The following KLF12 variants were observed in gnomAD, a reference collection of about 807,000 sequenced individuals.
The protein encoded by KLF12 is KLF transcription factor 12.
KLF12 carries 9 observed loss-of-function variants against 37.8 expected under a neutral mutation model. That is an observed-to-expected ratio of 0.24 (90% confidence interval 0.14 to 0.42). The LOEUF (loss-of-function observed/expected upper bound fraction) is 0.42. KLF12 is among the 10% of genes least tolerant of loss of function. The pLI is 1.00. For missense variants in KLF12, 411 were observed against 516.0 expected (o/e 0.80, Z 1.97); for synonymous variants, 208 against 202.1 (o/e 1.03, Z -0.25).
At chr13:73,831,269 C>T (rs1352226215) in intron 4 of KLF12, among the ~76,000 whole-genome samples, 1 of 152,132 alleles carries the variant, frequency 6.6e-6, no homozygotes, top group African/African-American at 2.4e-5. Context: ...CACTCTTAAG[C>T]TGTGCCCTTA....
rs566421592 is a variant in KLF12 at position 74,109,476 on chromosome 13, T to G, written c.-32+24263A>C. Among the ~76,000 whole-genome samples the G allele has an allele frequency of 2.0e-5, 3 of 152,176 alleles. No homozygotes were observed. In the South Asian group the frequency reaches 6.2e-4, roughly 32 times the overall value. ...TAGATAATATATTTTGTAATAATTT[T>G]TAAAAGAACAGATTATTTGAATGCT... On this transcript the variant is annotated intron_variant, in intron 1 of 7. Coordinates refer to ENST00000377669, the MANE Select transcript of KLF12 (RefSeq NM_007249.5).
chr13:73,697,753 T>A (rs1031334616), intron 7 of KLF12, among the ~76,000 whole-genome samples: 3 of 151,162 alleles, frequency 2.0e-5, no homozygotes, highest in African/African-American at 7.3e-5. Context: ...CTAGAGAGAG[T>A]GTAAGGCCTA....
At chr13:74,226,148 C>T in the KLF12 span, among the ~76,000 whole-genome samples, 2 of 151,744 alleles carry the variant, frequency 1.3e-5, no homozygotes, top group Non-Finnish European at 2.9e-5. Context: ...AGGATGGCCT[C>T]GAGGAGACAA....
the KLF12 span, among the ~76,000 whole-genome samples, chr13:74,287,252 CG>C: frequency 6.6e-6 from 1 of 151,802 alleles, no homozygotes; most frequent in African/African-American, 2.4e-5. Flanking sequence ...TGACCTCTGT[CG>C]GCAGAATCGT....
At chr13:74,268,800 G>A in the KLF12 span, among the ~76,000 whole-genome samples, 10 of 152,182 alleles carry the variant, frequency 6.6e-5, no homozygotes, top group Non-Finnish European at 1.2e-4. Context: ...AGAGATGAAT[G>A]CATCCACCAG....
intron 3 of KLF12, among the ~76,000 whole-genome samples, chr13:73,940,777 G>A (rs1890153058): frequency 6.6e-6 from 1 of 152,138 alleles, no homozygotes; most frequent in South Asian, 2.1e-4. Context: ...CATACACACA[G>A]CATAAATCTC....
chr13:74,287,395 A>AGAGAGAGAG, the KLF12 span, among the ~76,000 whole-genome samples: 454 of 147,060 alleles, frequency 3.1e-3, no homozygotes, highest in South Asian at 6.3e-3. Flanking sequence ...AGAGAGAGAG[A>AGAGAGAGAG]ATCCACCTCT....
the KLF12 span, among the ~76,000 whole-genome samples, chr13:74,164,989 G>A: frequency 0.034 from 5,195 of 152,208 alleles, 201 homozygotes; most frequent in African/African-American, 0.091. Context: ...GTATTTGATA[G>A]CACAACAGGG....
intron 1 of KLF12, among the ~76,000 whole-genome samples, chr13:74,121,786 C>T (rs1188367273): frequency 6.6e-6 from 1 of 151,686 alleles, no homozygotes; most frequent in African/African-American, 2.4e-5. Flanking sequence ...TATTAGAATA[C>T]CTAAGAAAAT....
intron 1 of KLF12, among the ~76,000 whole-genome samples, chr13:74,037,603 A>C (rs1397383697): frequency 6.6e-6 from 1 of 152,182 alleles, no homozygotes; most frequent in Non-Finnish European, 1.5e-5. Flanking sequence ...AATTTTTAGC[A>C]TTCTACTTAA....
chr13:74,137,863 C>T (rs1337834572), upstream of KLF12, among the ~76,000 whole-genome samples: 2 of 152,172 alleles, frequency 1.3e-5, no homozygotes, highest in East Asian at 3.8e-4. Context: ...CGCGTTCAAG[C>T]GATTCTCCTG....
Position 73,845,932 on chromosome 13 carries a change from C to T in KLF12, c.565G>A (p.Val189Met). 1 of 1,614,142 alleles carries T rather than the reference C, an allele frequency of 6.2e-7. No homozygotes were observed. Among genetic ancestry groups the T allele is most frequent in the Admixed American group, 1.7e-5 (1 of 60,012 alleles). The change falls in exon 4 of 8, where the codon GTG (valine) becomes ATG (methionine). Residue 189 changes from valine to methionine, a missense_variant. By Grantham distance (21) the Val-to-Met change is conservative. Coordinates refer to ENST00000377669, the MANE Select transcript of KLF12 (RefSeq NM_007249.5). The stretch of plus-strand genomic sequence containing the variant: ...TAGACAACAGGCACCGACTGTACCA[C>T]CACGGGGATGCGGTGAACATGACTC...
chr13:74,213,687 T>G, the KLF12 span, among the ~76,000 whole-genome samples: 1 of 150,684 alleles, frequency 6.6e-6, no homozygotes, highest in East Asian at 2.0e-4. Context: ...ATTTGAAATA[T>G]TATTTTTCAC....
chr13:74,127,498 A>C (rs1878007095), intron 1 of KLF12, among the ~76,000 whole-genome samples: 1 of 152,240 alleles, frequency 6.6e-6, no homozygotes, highest in Non-Finnish European at 1.5e-5. Flanking sequence ...AGAGTCCCAC[A>C]AAAAGTGATG....
intron 5 of KLF12, among the ~76,000 whole-genome samples, chr13:73,776,974 A>G (rs1324537497): frequency 6.6e-6 from 1 of 152,210 alleles, no homozygotes; most frequent in East Asian, 1.9e-4. Context: ...GAAGTATACA[A>G]TAGTCTCAGA....
At chr13:73,974,795 CAAAT>C (rs1289283619) in intron 2 of KLF12, among the ~76,000 whole-genome samples, 2 of 152,130 alleles carry the variant, frequency 1.3e-5, no homozygotes, top group African/African-American at 4.8e-5. Context: ...ACCTAGTTGA[CAAAT>C]AACTGCAAAT....
At chr13:73,971,688 C>T (rs1242388372) in intron 2 of KLF12, among the ~76,000 whole-genome samples, 6 of 152,116 alleles carry the variant, frequency 3.9e-5, no homozygotes, top group African/African-American at 1.4e-4. Flanking sequence ...AAACTACTGA[C>T]GTCAATGAAA....
intron 5 of KLF12, among the ~76,000 whole-genome samples, chr13:73,793,514 A>C (rs1329640928): frequency 2.0e-5 from 3 of 152,224 alleles, no homozygotes; most frequent in African/African-American, 4.8e-5. Context: ...TATAGTTGAC[A>C]AAGTCCTTTG....
At chr13:74,232,372 T>C in the KLF12 span, among the ~76,000 whole-genome samples, 2 of 152,250 alleles carry the variant, frequency 1.3e-5, no homozygotes, top group African/African-American at 4.8e-5. Context: ...CGGCTGACTC[T>C]CTTGTATGTC....
Sources: gnomAD v4.1 joint callset for allele counts (sites outside exome capture counted in the v4.1 genomes callset) on GRCh38, gnomAD v4.1.1 for gene constraint, MANE v1.5 for transcripts, NCBI Gene and HGNC (gene_info 2026-07-23, HGNC 2026-07-21) for gene names.